The following IL1RAPL1 variants were observed in gnomAD, a reference collection of about 807,000 sequenced individuals.
IL1RAPL1 encodes the protein interleukin 1 receptor accessory protein like 1, also known as interleukin-1 receptor accessory protein-like 1.
Under a neutral mutation model 48.4 loss-of-function variants are expected in IL1RAPL1, and 3 were observed. The observed-to-expected ratio is 0.06, with a 90% CI of 0.03 to 0.16. The LOEUF (loss-of-function observed/expected upper bound fraction) is 0.16, where lower values mean the gene tolerates loss of function less well. Among genes scored for constraint, IL1RAPL1 ranks in the 10% least tolerant of loss-of-function variants. The pLI is 1.00. For missense variants in IL1RAPL1, 349 were observed against 530.6 expected, an observed-to-expected ratio of 0.66 and a Z score of 3.36; for synonymous variants, 185 against 187.7, an observed-to-expected ratio of 0.99 and a Z score of 0.12.
intron 5 of IL1RAPL1, among the ~76,000 whole-genome samples, chrX:29,464,731 A>G (rs1006926407): frequency 4.5e-5 from 5 of 112,309 alleles, no homozygotes; most frequent in African/African-American, 1.6e-4. Flanking sequence ...CATATATACA[A>G]TGGAATACTA....
intron 2 of IL1RAPL1, among the ~76,000 whole-genome samples, chrX:29,131,512 G>A (rs952961291): frequency 6.3e-5 from 7 of 110,646 alleles, no homozygotes; most frequent in Non-Finnish European, 1.3e-4. Context: ...CTACCTGTTG[G>A]CTGTTTTGAC....
intron 2 of IL1RAPL1, among the ~76,000 whole-genome samples, chrX:29,005,422 G>T (rs1053889625): frequency 1.8e-5 from 2 of 111,292 alleles, no homozygotes; most frequent in Admixed American, 1.9e-4. Context: ...TTAGAATTAG[G>T]TTTTTTTTCC....
chrX:28,893,978 C>T (rs1162124987), intron 2 of IL1RAPL1, among the ~76,000 whole-genome samples: 1 of 111,836 alleles, frequency 8.9e-6, no homozygotes, highest in Non-Finnish European at 1.9e-5. Context: ...GCTTGTCTAG[C>T]CACCTTATCA....
At chrX:29,787,873 A>T (rs1270598121) in intron 6 of IL1RAPL1, among the ~76,000 whole-genome samples, 3 of 112,241 alleles carry the variant, frequency 2.7e-5, no homozygotes. Context: ...GTTTCATAAT[A>T]CAAGCTATTC....
intron 5 of IL1RAPL1, among the ~76,000 whole-genome samples, chrX:29,580,081 A>G (rs749521367): frequency 1.1e-4 from 12 of 109,102 alleles, no homozygotes; most frequent in Non-Finnish European, 1.9e-4. Context: ...ATTCACAATT[A>G]TTTTGCTATA....
intron 3 of IL1RAPL1, among the ~76,000 whole-genome samples, chrX:29,366,758 G>A (rs996315209): frequency 2.8e-5 from 3 of 107,660 alleles, no homozygotes; most frequent in African/African-American, 1.0e-4. Context: ...TAGTAGAGAC[G>A]GGGTTTCACC....
rs183518804 is a variant in IL1RAPL1 at position 29,468,481 on chromosome X, G to A, written c.703+69173G>A. The stretch of plus-strand genomic sequence containing the variant: ...TCCATCCTTCTTTATTATGTCCACC[G>A]AAGGTGTAACACTGATTACAGTATG... On this transcript the variant is annotated intron_variant, in intron 5 of 10. Coordinates refer to ENST00000378993, the MANE Select transcript of IL1RAPL1 (RefSeq NM_014271.4). Among the ~76,000 whole-genome samples, 7 of 111,937 alleles carry A rather than the reference G, an allele frequency of 6.3e-5. No homozygotes were observed. In the East Asian group the frequency reaches 2.0e-3, roughly 32 times the overall value.
chrX:29,724,768 T>C (rs578211357), intron 6 of IL1RAPL1, among the ~76,000 whole-genome samples: 1,490 of 111,886 alleles, frequency 0.013, 72 homozygotes, highest in Admixed American at 0.12. Flanking sequence ...TAGAACCTAC[T>C]GAATATGGTT....
chrX:28,775,207 A>G (rs1216924850), intron 1 of IL1RAPL1, among the ~76,000 whole-genome samples: 2 of 112,076 alleles, frequency 1.8e-5, no homozygotes, highest in Non-Finnish European at 3.8e-5. Flanking sequence ...GGGTAGCTTG[A>G]AAAAGCAGAA....
intron 5 of IL1RAPL1, among the ~76,000 whole-genome samples, chrX:29,418,125 AT>A (rs1186251989): frequency 6.4e-4 from 17 of 26,700 alleles, no homozygotes; most frequent in Admixed American, 2.3e-3. Context: ...ATATATATAT[AT>A]TTTTTTTTTT....
At chrX:29,402,843 A>G (rs1429497827) in intron 5 of IL1RAPL1, among the ~76,000 whole-genome samples, 2 of 110,076 alleles carry the variant, frequency 1.8e-5, no homozygotes, top group Non-Finnish European at 3.8e-5. Flanking sequence ...CGAATGTCCT[A>G]TATTTGGGAT....
At chrX:29,809,115 G>A (rs1170815001) in intron 6 of IL1RAPL1, among the ~76,000 whole-genome samples, 2 of 102,647 alleles carry the variant, frequency 1.9e-5, no homozygotes, top group Non-Finnish European at 4.0e-5. Context: ...GGGGGGTGGG[G>A]GGATACAGTT....
intron 4 of IL1RAPL1, among the ~76,000 whole-genome samples, 173 bp from the exon 5 acceptor site, chrX:29,398,982 A>G (rs972844287): frequency 2.7e-5 from 3 of 112,467 alleles, no homozygotes; most frequent in African/African-American, 9.7e-5. Flanking sequence ...TATTCTAGGA[A>G]GCAAATTGAT....
chrX:29,550,677 G>C (rs190680264), intron 5 of IL1RAPL1, among the ~76,000 whole-genome samples: 1 of 111,044 alleles, frequency 9.0e-6, no homozygotes, highest in South Asian at 3.7e-4. Context: ...TCATGGCATT[G>C]TACAGTTGAT....
intron 5 of IL1RAPL1, among the ~76,000 whole-genome samples, chrX:29,412,234 G>C (rs4829404): frequency 0.36 from 39,281 of 108,735 alleles, 6,245 homozygotes; most frequent in Middle Eastern, 0.53. Flanking sequence ...TCAAACCACT[G>C]TGCTTCAGCC....
intron 2 of IL1RAPL1, among the ~76,000 whole-genome samples, chrX:29,220,743 G>A (rs1390553011): frequency 2.7e-5 from 3 of 111,658 alleles, no homozygotes; most frequent in Admixed American, 1.9e-4. Context: ...AAAATCCTGT[G>A]TAGGAAAAAT....
intron 1 of IL1RAPL1, among the ~76,000 whole-genome samples, chrX:28,649,048 C>T (rs958628978): frequency 1.8e-5 from 2 of 111,766 alleles, no homozygotes; most frequent in African/African-American, 3.2e-5. Flanking sequence ...GTCATGGAAG[C>T]CACAAGGGTG....
intron 1 of IL1RAPL1, among the ~76,000 whole-genome samples, chrX:28,739,505 C>T (rs775853790): frequency 1.3e-4 from 14 of 111,213 alleles, no homozygotes; most frequent in African/African-American, 3.9e-4. Context: ...CTTAACCATA[C>T]GAGGAAGATA....
chrX:29,642,805 GAGTT>G (rs1368166138), intron 5 of IL1RAPL1, among the ~76,000 whole-genome samples: 1 of 112,297 alleles, frequency 8.9e-6, no homozygotes, highest in Non-Finnish European at 1.9e-5. Context: ...GAAATGTTGA[GAGTT>G]AGTCTAGTCC....
Sources: allele counts gnomAD v4.1 joint callset (sites outside exome capture counted in the v4.1 genomes callset), GRCh38; gene constraint gnomAD v4.1.1; transcripts MANE v1.5; gene names NCBI Gene and HGNC (gene_info 2026-07-23, HGNC 2026-07-21).